AKAP13: variants seen among roughly 807,000 people sequenced by gnomAD.
The protein encoded by AKAP13 is A-kinase anchor protein 13.
AKAP13 carries 80 observed loss-of-function variants against 264.5 expected under a neutral mutation model. That is an observed-to-expected ratio of 0.30 (90% CI 0.25 to 0.36). The LOEUF is 0.36. AKAP13 is among the 10% of genes least tolerant of loss of function. AKAP13 has a pLI of 1.00. For synonymous variants in AKAP13, 1,380 were observed against 1,250.2 expected, an observed-to-expected ratio of 1.10 and a Z score of -2.19; for missense variants, 3,712 against 3,435.2, an observed-to-expected ratio of 1.08 and a Z score of -2.01.
chr15:85,714,378 T>A (rs990189335), intron 19 of AKAP13, among the ~76,000 whole-genome samples: 1 of 152,196 alleles, frequency 6.6e-6, no homozygotes, highest in Non-Finnish European at 1.5e-5. Context: ...TATAAGGGGA[T>A]CTATGTAGTT....
intron 13 of AKAP13, among the ~76,000 whole-genome samples, chr15:85,667,970 G>A (rs554541164): frequency 6.6e-6 from 1 of 152,216 alleles, no homozygotes; most frequent in South Asian, 2.1e-4. Flanking sequence ...TCTAGATAAA[G>A]TTGTTGTTTT....
intron 10 of AKAP13, among the ~76,000 whole-genome samples, chr15:85,647,655 C>T (rs944512235): frequency 6.6e-6 from 1 of 152,038 alleles, no homozygotes; most frequent in Non-Finnish European, 1.5e-5. Flanking sequence ...GTAAAAACTC[C>T]ACATTTAGGA....
At position 85,414,160 on chromosome 15, in the gene AKAP13, T is replaced by A. The variant is rs142191458; in HGVS notation, c.-12+33362T>A. Reference sequence around the variant, plus strand: ...TACTGTCTCTTGAAACCAGTCTTCCTTTTTTTCAGCACTATTGTGGCCTGT... The same window carrying A: ...TACTGTCTCTTGAAACCAGTCTTCCATTTTTTCAGCACTATTGTGGCCTGT... On this transcript the variant is annotated intron_variant, in intron 1 of 36. Coordinates refer to ENST00000394518, the MANE Select transcript of AKAP13 (RefSeq NM_007200.5). Among the ~76,000 whole-genome samples the A allele has an allele frequency of 1.2e-4, 18 of 152,316 alleles. No homozygotes were observed. In the East Asian group the frequency reaches 3.1e-3, roughly 26 times the overall value.
At chr15:85,502,270 A>G (rs2076056909) in intron 2 of AKAP13, among the ~76,000 whole-genome samples, 2 of 152,170 alleles carry the variant, frequency 1.3e-5, no homozygotes, top group Non-Finnish European at 2.9e-5. Flanking sequence ...GTTCTGTAAT[A>G]TAGGGTAGTA....
intron 8 of AKAP13, among the ~76,000 whole-genome samples, chr15:85,588,386 T>C (rs2079447547): frequency 6.6e-6 from 1 of 152,202 alleles, no homozygotes; most frequent in East Asian, 1.9e-4. Context: ...GAACACACCC[T>C]GCATGGGTAC....
chr15:85,601,149 C>T (rs766825289), intron 8 of AKAP13, among the ~76,000 whole-genome samples: 1 of 152,068 alleles, frequency 6.6e-6, no homozygotes, highest in Admixed American at 6.6e-5. Context: ...GGCACTAATC[C>T]GAGTAATAAT....
chr15:85,591,001 A>G (rs2079556750), intron 8 of AKAP13, among the ~76,000 whole-genome samples: 1 of 152,200 alleles, frequency 6.6e-6, no homozygotes, highest in Admixed American at 6.5e-5. Flanking sequence ...TGAACATGTT[A>G]TAAAAGCTTC....
intron 1 of AKAP13, among the ~76,000 whole-genome samples, chr15:85,441,990 C>T (rs1199918094): frequency 1.3e-5 from 2 of 152,082 alleles, no homozygotes; most frequent in Admixed American, 6.5e-5. Flanking sequence ...GAGTTCTGGT[C>T]AATTTGGCTT....
intron 2 of AKAP13, among the ~76,000 whole-genome samples, chr15:85,518,353 G>A (rs2076685023): frequency 6.6e-6 from 1 of 152,180 alleles, no homozygotes; most frequent in African/African-American, 2.4e-5. Context: ...TGCTGTCAGT[G>A]ACTTTATCAG....
chr15:85,498,209 T>C (rs1204584531), intron 2 of AKAP13, among the ~76,000 whole-genome samples: 1 of 28,006 alleles, frequency 3.6e-5, no homozygotes. Flanking sequence ...GATATATATA[T>C]ATATATATAT....
chr15:85,732,904 C>T (rs2088159854), intron 30 of AKAP13, among the ~76,000 whole-genome samples: 1 of 151,928 alleles, frequency 6.6e-6, no homozygotes, highest in Non-Finnish European at 1.5e-5. Context: ...AATAGTAATG[C>T]TGCTACCACT....
At chr15:85,426,105 G>C (rs2072764344) in intron 1 of AKAP13, among the ~76,000 whole-genome samples, 1 of 152,094 alleles carries the variant, frequency 6.6e-6, no homozygotes, top group East Asian at 1.9e-4. Context: ...GATAATCCTT[G>C]GTTCATTCTA....
intron 13 of AKAP13, among the ~76,000 whole-genome samples, chr15:85,666,639 C>A (rs947962366): frequency 2.0e-5 from 3 of 152,210 alleles, no homozygotes; most frequent in Admixed American, 1.3e-4. Flanking sequence ...GCTTCAACTT[C>A]CCCAGTTCAA....
chr15:85,546,137 A>G (rs138748769), intron 5 of AKAP13, among the ~76,000 whole-genome samples: 1 of 152,262 alleles, frequency 6.6e-6, no homozygotes, highest in Admixed American at 6.5e-5. Context: ...CCATGTTGTA[A>G]CGTGTCAGAA....
chr15:85,388,262 C>G (rs1469618365), intron 1 of AKAP13, among the ~76,000 whole-genome samples: 1 of 151,576 alleles, frequency 6.6e-6, no homozygotes, highest in Non-Finnish European at 1.5e-5. Context: ...CCAGGCTGGT[C>G]TCAAACTCCT....
rs1246662151 is a variant in AKAP13 at position 85,611,252 on chromosome 15, A to G, written c.4161+25429A>G. On this transcript the variant is annotated intron_variant, in intron 8 of 36. Transcript: ENST00000394518. ...CAAATCTGAATGCCCAACCTCAGCC[A>G]TTCCCCTGAGTTCCAGTCACACACT... Among the ~76,000 whole-genome samples, 7 of 152,282 alleles carry G rather than the reference A, an allele frequency of 4.6e-5. No individual in the cohort carries two copies. The South Asian group carries it at 6.2e-4, about 14-fold the overall frequency.
In AKAP13 at chr15:85,581,399, A is replaced by G; in HGVS notation, c.3331A>G (p.Asn1111Asp). 1 of 1,614,226 alleles carries G rather than the reference A, an allele frequency of 6.2e-7. No homozygotes were observed. Among genetic ancestry groups the G allele is most frequent in the Non-Finnish European group, 8.5e-7 (1 of 1,180,030 alleles). ...AEPRRENISH[N>D]TQDILIPNVL... is the part of the protein sequence containing the mutation. Reference sequence around the variant, plus strand: ...GCCCAGAAGAGAGAATATATCACACAACACCCAAGACATCCTGATTCCAAA... The same window carrying G: ...GCCCAGAAGAGAGAATATATCACACGACACCCAAGACATCCTGATTCCAAA... Residue 1111 changes from asparagine (N) to aspartate (D), a missense_variant, in exon 7 of 37, where the codon AAC (asparagine) becomes GAC (aspartate). This residue lies in a region of AKAP13 where 2,759 missense variants were observed against 2,411.7 expected (regional missense o/e 1.14). Transcript: ENST00000394518.
At chr15:85,410,333 C>T (rs868212493) in intron 1 of AKAP13, among the ~76,000 whole-genome samples, 1 of 151,786 alleles carries the variant, frequency 6.6e-6, no homozygotes, top group Middle Eastern at 3.4e-3. Flanking sequence ...TCATGCCCTT[C>T]TTGTCGACTT....
chr15:85,469,066 C>T (rs1297356878), intron 1 of AKAP13, among the ~76,000 whole-genome samples: 1 of 137,788 alleles, frequency 7.3e-6, no homozygotes, highest in Non-Finnish European at 1.5e-5. Flanking sequence ...AGGCGTGCAC[C>T]ACCACGCCCA....
Sources: allele counts gnomAD v4.1 joint callset (sites outside exome capture counted in the v4.1 genomes callset), GRCh38; gene constraint gnomAD v4.1.1; regional missense constraint gnomAD v4.1.1; transcripts MANE v1.5; gene names NCBI Gene and HGNC (gene_info 2026-07-23, HGNC 2026-07-21).